ZNF644: variants seen among roughly 807,000 people sequenced by gnomAD.
ZNF644 encodes the protein zinc finger protein 644, also known as zinc finger motif enhancer binding protein 2.
In ZNF644, 20 loss-of-function variants were observed where a neutral mutation model predicts 108.0. The ratio of observed to expected loss-of-function variants is 0.19; its 90% confidence interval spans 0.13 to 0.27. The LOEUF is 0.27. ZNF644 is among the 10% of genes least tolerant of loss of function. The pLI is 1.00. For missense variants in ZNF644, 1,338 were observed against 1,548.9 expected (o/e 0.86, Z 2.29); for synonymous variants, 542 against 539.1 (o/e 1.01, Z -0.08).
intron 4 of ZNF644, among the ~76,000 whole-genome samples, chr1:90,928,322 T>C (rs1331659747): frequency 1.4e-4 from 20 of 141,274 alleles, no homozygotes; most frequent in Non-Finnish European, 2.9e-4. Flanking sequence ...TGGGCTGATT[T>C]TTTTTTTTTT....
In ZNF644 at chr1:90,976,323, T is replaced by C. The variant is rs919764130; in HGVS notation, c.44+5987A>G. On this transcript the variant is annotated intron_variant, in intron 2 of 5. Transcript: ENST00000337393. Reference sequence around the variant, plus strand: ...TTGGCAGTATTGTGTTCATCACTTGTACTATAACTAGTTGCATGGTACTGG... The same window carrying C: ...TTGGCAGTATTGTGTTCATCACTTGCACTATAACTAGTTGCATGGTACTGG... Among the ~76,000 whole-genome samples the C allele has an allele frequency of 2.0e-5, 3 of 152,356 alleles. No homozygotes were observed. The East Asian group carries it at 5.8e-4, about 29-fold the overall frequency.
chr1:90,972,316 G>T (rs1248516538), intron 2 of ZNF644, among the ~76,000 whole-genome samples: 1 of 152,032 alleles, frequency 6.6e-6, no homozygotes, highest in Non-Finnish European at 1.5e-5. Flanking sequence ...TAAAAAATGG[G>T]CAAAAGACTT....
chr1:90,983,499 A>AG lies in ZNF644; in HGVS notation c.-17-1130_-17-1129insC, dbSNP rs1656775625. On this transcript the variant is annotated intron_variant, in intron 1 of 5. Transcript: ENST00000337393. Reference sequence around the variant, plus strand: ...CATATGGCAAAAAAAAAAAAAAAAAAAAGAAGAAGTCTTTGTAGATATGAT... The same window carrying AG: ...CATATGGCAAAAAAAAAAAAAAAAAAGAAGAAGAAGTCTTTGTAGATATGAT... 4.0e-5 allele frequency among the ~76,000 whole-genome samples: 6 copies of AG among 151,786 alleles called. No individual in the cohort carries two copies. The South Asian group carries it at 1.0e-3, about 26-fold the overall frequency.
chr1:90,974,993 T>C (rs1302612308), intron 2 of ZNF644, among the ~76,000 whole-genome samples: 1 of 152,186 alleles, frequency 6.6e-6, no homozygotes, highest in Admixed American at 6.5e-5. Context: ...CTCTCATCCT[T>C]TGAACATGCT....
At chr1:90,947,045 G>A (rs1652589726) in intron 2 of ZNF644, among the ~76,000 whole-genome samples, 1 of 152,150 alleles carries the variant, frequency 6.6e-6, no homozygotes, top group South Asian at 2.1e-4. Context: ...GGAGGGCAGG[G>A]AGGCCCTACA....
chr1:90,929,552 T>A (rs1214466590), intron 4 of ZNF644, among the ~76,000 whole-genome samples: 1 of 152,206 alleles, frequency 6.6e-6, no homozygotes, highest in Admixed American at 6.5e-5. Context: ...AAACATGCAA[T>A]ACTATATTAT....
chr1:90,938,092 T>C lies in ZNF644; in HGVS notation c.3083-2A>G. 1 of 1,610,842 alleles carries C rather than the reference T, an allele frequency of 6.2e-7. No homozygotes were observed. The highest frequency in any genetic ancestry group is 8.5e-7 in the Non-Finnish European group (1 of 1,179,642). On this transcript the variant is annotated splice_acceptor_variant, in intron 3 of 5. Transcript: ENST00000337393. LOFTEE classifies it high-confidence loss of function. The surrounding 1 kb of genome is among the most constrained non-coding windows in gnomAD (Gnocchi z 4.2). The stretch of plus-strand genomic sequence containing the variant: ...AAGTGGTTTCAGACTTCTCTATAGC[T>C]AGAAAAAAATTTTTAAGAGTAATAT...
intron 1 of ZNF644, among the ~76,000 whole-genome samples, chr1:91,007,219 C>CGTTTTTTTTTTTTTTTTTTTT (rs1557658445): frequency 1.8e-5 from 2 of 114,248 alleles, no homozygotes; most frequent in African/African-American, 3.3e-5. Flanking sequence ...CATTTTCTCC[C>CGTTTTTTTTTTTTTTTTTTTT]ATTTTGTTTT....
Position 90,937,752 on chromosome 1 carries a change from C to G in ZNF644, c.3421G>C (p.Ala1141Pro). Reference protein sequence around the residue: ...GLKTEALSVSASEEEGLNFLN... With the variant: ...GLKTEALSVSPSEEEGLNFLN... Reference sequence around the variant, plus strand: ...AAATTCAGCCCTTCTTCTTCTGATGCAGACACTGACAGAGCTTCAGTCTTT... The same window carrying G: ...AAATTCAGCCCTTCTTCTTCTGATGGAGACACTGACAGAGCTTCAGTCTTT... Residue 1141 changes from alanine to proline, a missense_variant, in exon 4 of 6, where the codon GCA becomes CCA. Physicochemically the swap from Ala to Pro is conservative, Grantham distance 27 (BLOSUM62 -1). Around this residue, in one of 6 missense-constraint regions of ZNF644, gnomAD observed 287 missense variants for 310.9 expected, o/e 0.92. Coordinates refer to ENST00000337393, the MANE Select transcript of ZNF644 (RefSeq NM_201269.3). 6.2e-7 allele frequency: 1 copy of G among 1,613,844 alleles called. No homozygotes were observed. The highest frequency in any genetic ancestry group is 8.5e-7 in the Non-Finnish European group (1 of 1,179,902).
intron 1 of ZNF644, among the ~76,000 whole-genome samples, chr1:90,996,804 A>G (rs1466783449): frequency 6.6e-6 from 1 of 152,058 alleles, no homozygotes; most frequent in Non-Finnish European, 1.5e-5. Flanking sequence ...CAAAAACCCA[A>G]CAGCCTGGCA....
At chr1:90,936,645 A>C (rs1012169777) in intron 4 of ZNF644, among the ~76,000 whole-genome samples, 1 of 152,182 alleles carries the variant, frequency 6.6e-6, no homozygotes, top group East Asian at 1.9e-4. Context: ...GAGACCATTT[A>C]CATAAACCTT....
chr1:90,970,097 A>T (rs2101268055), intron 2 of ZNF644, among the ~76,000 whole-genome samples: 1 of 152,356 alleles, frequency 6.6e-6, no homozygotes, highest in East Asian at 1.9e-4. Flanking sequence ...AGTTTGCCTA[A>T]GAAAATATTT....
At chr1:90,970,998 CAAAAAAAAA>C (rs61253802) in intron 2 of ZNF644, among the ~76,000 whole-genome samples, 3 of 92,858 alleles carry the variant, frequency 3.2e-5, no homozygotes, top group African/African-American at 9.1e-5. Flanking sequence ...GACTCCATTT[CAAAAAAAAA>C]AAAAAAAAAA....
intron 2 of ZNF644, among the ~76,000 whole-genome samples, chr1:90,951,544 T>C (rs1557589997): frequency 1.3e-5 from 2 of 152,202 alleles, no homozygotes; most frequent in Non-Finnish European, 2.9e-5. Flanking sequence ...AACTATTTCA[T>C]CTTGGTTCAA....
At chr1:90,947,415 T>C (rs1441961557) in intron 2 of ZNF644, among the ~76,000 whole-genome samples, 4 of 152,196 alleles carry the variant, frequency 2.6e-5, no homozygotes, top group Admixed American at 2.0e-4. Flanking sequence ...ATGGGTCAGT[T>C]CACTATAAAA....
chr1:90,982,455 A>G (rs1570496369), intron 1 of ZNF644, 85 bp from the exon 2 acceptor site: 1 of 893,708 alleles, frequency 1.1e-6, no homozygotes, highest in East Asian at 2.5e-5. Context: ...ATTATTTTAA[A>G]TGAAAAAACA....
chr1:90,941,387 A>C (rs989954470), intron 2 of ZNF644, 78 bp from the exon 3 acceptor site: 1 of 1,304,026 alleles, frequency 7.7e-7, no homozygotes, highest in Non-Finnish European at 1.1e-6. Flanking sequence ...TTGAAAGTAC[A>C]TATTTTTATT....
chr1:90,936,273 T>C (rs899771755), intron 4 of ZNF644, among the ~76,000 whole-genome samples: 2 of 152,202 alleles, frequency 1.3e-5, no homozygotes, highest in Admixed American at 1.3e-4. Context: ...TTCTTCAGCA[T>C]TACTGTGATA....
intron 1 of ZNF644, among the ~76,000 whole-genome samples, chr1:91,014,606 A>AT (rs1277789789): frequency 1.3e-5 from 2 of 152,092 alleles, no homozygotes; most frequent in Non-Finnish European, 2.9e-5. Flanking sequence ...ATTAAGCCTG[A>AT]TTTTTTTCAT....
Sources: allele counts gnomAD v4.1 joint callset (sites outside exome capture counted in the v4.1 genomes callset), GRCh38; gene constraint gnomAD v4.1.1; regional missense constraint gnomAD v4.1.1; non-coding constraint Gnocchi (gnomAD v3.1); transcripts MANE v1.5; gene names NCBI Gene and HGNC (gene_info 2026-07-23, HGNC 2026-07-21).